SNX18: variants seen among roughly 807,000 people sequenced by gnomAD.
SNX18 encodes sorting nexin 18, also known as sorting nexin-18.
In SNX18, 35 loss-of-function variants were observed where a neutral mutation model predicts 48.7. The ratio of observed to expected loss-of-function variants is 0.72; its 90% CI spans 0.55 to 0.95. The LOEUF is 0.95. Ranked by LOEUF, SNX18 falls within the 40% of genes least tolerant of loss-of-function variation. The probability of loss-of-function intolerance (pLI) is 0.00; values close to 1 mark genes in which losing one functional copy is unlikely to be tolerated. For synonymous variants in SNX18, 492 were observed against 384.7 expected (o/e 1.28, Z -3.26); for missense variants, 824 against 871.0 (o/e 0.95, Z 0.68).
the SNX18 span, among the ~76,000 whole-genome samples, chr5:54,602,194 G>C: frequency 6.6e-6 from 1 of 152,162 alleles, no homozygotes; most frequent in African/African-American, 2.4e-5. Flanking sequence ...GAATTGGAGG[G>C]GTGATTGAAG....
At chr5:54,621,308 T>C in the SNX18 span, among the ~76,000 whole-genome samples, 475 of 152,272 alleles carry the variant, frequency 3.1e-3, 2 homozygotes, top group Admixed American at 4.6e-3. Flanking sequence ...ATCAACAATC[T>C]CCCTTTTTAC....
the SNX18 span, among the ~76,000 whole-genome samples, chr5:54,553,034 G>A: frequency 6.6e-6 from 1 of 152,022 alleles, no homozygotes; most frequent in African/African-American, 2.4e-5. Flanking sequence ...AGCACAGCCG[G>A]GGACAGTATG....
the SNX18 span, among the ~76,000 whole-genome samples, chr5:54,571,240 C>T: frequency 6.6e-6 from 1 of 152,130 alleles, no homozygotes; most frequent in Non-Finnish European, 1.5e-5. Flanking sequence ...GGGCACCCCT[C>T]CCAGTCTCTC....
chr5:54,520,323 G>C (rs1460076792), intron 1 of SNX18: 2 of 173,106 alleles, frequency 1.2e-5, no homozygotes, highest in Non-Finnish European at 2.8e-5. Flanking sequence ...GTTATTAATA[G>C]TTGTTAGTGT....
chr5:54,598,316 G>A, the SNX18 span, among the ~76,000 whole-genome samples: 4,871 of 152,162 alleles, frequency 0.032, 282 homozygotes, highest in African/African-American at 0.11. Context: ...CTACAAAGAG[G>A]AGCTGATACC....
At chr5:54,591,490 C>G in the SNX18 span, among the ~76,000 whole-genome samples, 1 of 152,212 alleles carries the variant, frequency 6.6e-6, no homozygotes, top group African/African-American at 2.4e-5. Flanking sequence ...CATGCTCAGC[C>G]TGTCTTGGAC....
chr5:54,528,367 C>G (rs767546217), intron 1 of SNX18, among the ~76,000 whole-genome samples: 1 of 152,094 alleles, frequency 6.6e-6, no homozygotes, highest in Non-Finnish European at 1.5e-5. Flanking sequence ...AATGTGTGCA[C>G]AGAGGACTGA....
At chr5:54,531,383 C>T (rs1237809478) in intron 1 of SNX18, among the ~76,000 whole-genome samples, 3 of 152,096 alleles carry the variant, frequency 2.0e-5, no homozygotes, top group African/African-American at 7.2e-5. Context: ...AAAGGAAAGA[C>T]AAGGAATGGG....
chr5:54,575,690 A>G, the SNX18 span, among the ~76,000 whole-genome samples: 1 of 151,976 alleles, frequency 6.6e-6, no homozygotes, highest in Non-Finnish European at 1.5e-5. Context: ...AACCTAAAGC[A>G]GGACATACAA....
At chr5:54,607,246 A>C in the SNX18 span, among the ~76,000 whole-genome samples, 1 of 151,822 alleles carries the variant, frequency 6.6e-6, no homozygotes, top group African/African-American at 2.4e-5. Flanking sequence ...TGAGATTCCA[A>C]CCATGTGGGC....
At chr5:54,566,942 G>A in the SNX18 span, among the ~76,000 whole-genome samples, 1 of 152,160 alleles carries the variant, frequency 6.6e-6, no homozygotes, top group Non-Finnish European at 1.5e-5. Flanking sequence ...TCTCACCATT[G>A]GGCCTTATGG....
chr5:54,607,540 C>T, the SNX18 span, among the ~76,000 whole-genome samples: 1 of 152,120 alleles, frequency 6.6e-6, no homozygotes, highest in African/African-American at 2.4e-5. Flanking sequence ...CAATTTGTTG[C>T]CTGTATAGTA....
the SNX18 span, among the ~76,000 whole-genome samples, chr5:54,637,964 TTCAAAC>T: frequency 6.6e-6 from 1 of 150,836 alleles, no homozygotes; most frequent in East Asian, 1.9e-4. Flanking sequence ...TCACCCAGCT[TTCAAAC>T]TCAAACTGCT....
chr5:54,572,010 C>G, the SNX18 span, among the ~76,000 whole-genome samples: 4,174 of 152,156 alleles, frequency 0.027, 177 homozygotes, highest in African/African-American at 0.096. Flanking sequence ...TAGTGCTTCC[C>G]CAAGATCTTG....
the SNX18 span, among the ~76,000 whole-genome samples, chr5:54,638,605 G>A: frequency 6.6e-6 from 1 of 152,236 alleles, no homozygotes; most frequent in Non-Finnish European, 1.5e-5. Flanking sequence ...GTATCTAAAA[G>A]GATGGCTCAT....
the SNX18 span, among the ~76,000 whole-genome samples, chr5:54,604,128 A>C: frequency 3.9e-5 from 6 of 152,230 alleles, no homozygotes; most frequent in Admixed American, 3.3e-4. Context: ...GCAGACAAAC[A>C]CATTATAAAA....
At chr5:54,556,228 A>G in the SNX18 span, among the ~76,000 whole-genome samples, 2 of 152,242 alleles carry the variant, frequency 1.3e-5, no homozygotes, top group East Asian at 3.9e-4. Context: ...CCACAAACTC[A>G]GTGGCTTAAA....
At chr5:54,552,169 C>T in the SNX18 span, among the ~76,000 whole-genome samples, 1 of 152,330 alleles carries the variant, frequency 6.6e-6, no homozygotes, top group East Asian at 1.9e-4. Context: ...CATTACCACG[C>T]ATCACACCCT....
At chr5:54,582,801 GA>G in the SNX18 span, among the ~76,000 whole-genome samples, 1 of 149,710 alleles carries the variant, frequency 6.7e-6, no homozygotes, top group Non-Finnish European at 1.5e-5. Flanking sequence ...GTTCGGAATT[GA>G]AAAAAAAAGA....
Sources: gnomAD v4.1 joint callset for allele counts (sites outside exome capture counted in the v4.1 genomes callset) on GRCh38, gnomAD v4.1.1 for gene constraint, MANE v1.5 for transcripts, NCBI Gene and HGNC (gene_info 2026-07-23, HGNC 2026-07-21) for gene names.